Variants in APC observed in about 807,000 individuals in gnomAD.
The protein encoded by APC is APC regulator of Wnt signaling pathway, also known as adenomatous polyposis coli protein.
In APC, 72 loss-of-function variants were observed where a neutral mutation model predicts 247.0. The observed-to-expected ratio is 0.29, with a 90% confidence interval of 0.24 to 0.35. APC has a LOEUF of 0.35. APC is among the 10% of genes least tolerant of loss of function. APC has a pLI of 1.00. For synonymous variants in APC, 1,254 were observed against 1,162.5 expected (o/e 1.08, Z -1.60); for missense variants, 3,400 against 3,360.7 (o/e 1.01, Z -0.29).
At chr5:112,801,490 C>T in intron 8 of APC, 107 bp downstream of exon 8, 2 of 802,446 alleles carry the variant, frequency 2.5e-6, no homozygotes, top group South Asian at 1.6e-5. Context: ...TTTTCTTAGT[C>T]CTGAATGCAT....
At chr5:112,780,225 G>A (rs538620614) in intron 5 of APC, among the ~76,000 whole-genome samples, 1 of 152,118 alleles carries the variant, frequency 6.6e-6, no homozygotes, top group African/African-American at 2.4e-5. Context: ...TTTTACCAAA[G>A]TCTGTGTTGA....
intron 8 of APC, among the ~76,000 whole-genome samples, chr5:112,802,627 A>C (rs1760948272): frequency 6.6e-6 from 1 of 152,154 alleles, no homozygotes; most frequent in African/African-American, 2.4e-5. Context: ...TTCTAAGTAG[A>C]TTAGATTTAA....
intron 7 of APC, among the ~76,000 whole-genome samples, chr5:112,798,629 G>C (rs570679438): frequency 1.1e-3 from 171 of 152,296 alleles, no homozygotes; most frequent in Non-Finnish European, 2.1e-3. Context: ...CTATGGAAAT[G>C]AGGAAACTAG....
upstream of APC, among the ~76,000 whole-genome samples, chr5:112,736,690 C>T (rs1016136297): frequency 9.9e-5 from 15 of 152,064 alleles, no homozygotes; most frequent in South Asian, 6.2e-4. Flanking sequence ...CCGAGGTGGG[C>T]GGATCACAAG....
intron 1 of APC, among the ~76,000 whole-genome samples, chr5:112,729,346 A>G (rs1454365976): frequency 6.6e-6 from 1 of 152,222 alleles, no homozygotes; most frequent in African/African-American, 2.4e-5. Flanking sequence ...GTGAAACTCC[A>G]TCATGTGGTA....
chr5:112,743,073 A>G lies in APC; in HGVS notation c.-19+5148A>G, dbSNP rs577346635. 1.0e-3 allele frequency among the ~76,000 whole-genome samples: 155 copies of G among 152,316 alleles called. 1 individual carries two copies. The highest frequency in any genetic ancestry group is 3.1e-3 in the African/African-American group (130 of 41,568). ...GCTCTGCGTCTCCTCTAGAGATTCTATTGAAGAATCCATTTTCTTGCTTTT... is the reference window on the plus strand; with the variant it reads ...GCTCTGCGTCTCCTCTAGAGATTCTGTTGAAGAATCCATTTTCTTGCTTTT... On this transcript the variant is annotated intron_variant, in intron 1 of 15. Coordinates refer to ENST00000257430, the MANE Select transcript of APC (RefSeq NM_000038.6).
chr5:112,813,369 T>C (rs931263154), intron 8 of APC, among the ~76,000 whole-genome samples: 10 of 152,188 alleles, frequency 6.6e-5, no homozygotes, highest in African/African-American at 2.4e-4. Flanking sequence ...ACAGAAGTTC[T>C]AAGCAGCCCT....
chr5:112,834,808 A>C, intron 14 of APC, 143 bp from the exon 15 acceptor site: 1 of 727,556 alleles, frequency 1.4e-6, no homozygotes, highest in East Asian at 2.7e-5. Context: ...CATTTTTCTA[A>C]ATGGAAAGTT....
intron 7 of APC, among the ~76,000 whole-genome samples, chr5:112,800,504 GTAATT>G (rs1472171201): frequency 6.6e-6 from 1 of 152,090 alleles, no homozygotes; most frequent in African/African-American, 2.4e-5. Flanking sequence ...GAATCATTTT[GTAATT>G]TAATTATCCA....
At chr5:112,771,354 C>A (rs896617303) in intron 4 of APC, among the ~76,000 whole-genome samples, 1 of 152,022 alleles carries the variant, frequency 6.6e-6, no homozygotes, top group Non-Finnish European at 1.5e-5. Context: ...TTTTTCTGAT[C>A]TAATTTGTAC....
chr5:112,744,974 C>A (rs1753476165), intron 1 of APC, among the ~76,000 whole-genome samples: 1 of 152,078 alleles, frequency 6.6e-6, no homozygotes, highest in African/African-American at 2.4e-5. Context: ...GTAACACCTA[C>A]CTCATAGGTG....
chr5:112,735,052 T>A (rs1180825126), upstream of APC, among the ~76,000 whole-genome samples: 1 of 152,182 alleles, frequency 6.6e-6, no homozygotes, highest in African/African-American at 2.4e-5. Context: ...CATTTACATA[T>A]GAAACCATTT....
rs569936457 is a variant in APC, at chr5:112,845,968, C to G, written c.*1842C>G. The G allele has an allele frequency of 1.3e-4, 30 of 232,124 alleles. No homozygotes were observed. The highest frequency in any genetic ancestry group is 5.3e-4 in the African/African-American group (24 of 45,374). The allele number at this position is 232,124 out of a possible 1,614,324, so 14.4% of individuals were successfully genotyped here. A position where few individuals can be genotyped will look rare whatever the true frequency, so the allele number is the denominator to read the frequency against. ...AAAATCACATCAAGTAGTTAATTAT[C>G]TACCCCTTACCTGTGTTTATAACTT... On this transcript the variant is annotated 3_prime_UTR_variant, in exon 16 of 16. Transcript: ENST00000257430.
At chr5:112,790,818 G>A (rs1759497180) in intron 6 of APC, among the ~76,000 whole-genome samples, 1 of 152,146 alleles carries the variant, frequency 6.6e-6, no homozygotes, top group African/African-American at 2.4e-5. Flanking sequence ...TTATTTATCT[G>A]TTGGGGGTGA....
intron 4 of APC, among the ~76,000 whole-genome samples, chr5:112,768,723 G>T (rs868556035): frequency 1.3e-5 from 2 of 151,410 alleles, no homozygotes; most frequent in African/African-American, 4.8e-5. Context: ...CTATGGTAGC[G>T]TAGAACACAG....
intron 7 of APC, among the ~76,000 whole-genome samples, chr5:112,799,726 A>G (rs1467693443): frequency 6.6e-6 from 1 of 152,190 alleles, no homozygotes; most frequent in East Asian, 1.9e-4. Flanking sequence ...AGGCATTAAA[A>G]TTTAAATTTT....
intron 1 of APC, among the ~76,000 whole-genome samples, chr5:112,724,906 C>T (rs1321999299): frequency 6.6e-6 from 1 of 152,140 alleles, no homozygotes; most frequent in Non-Finnish European, 1.5e-5. Flanking sequence ...TACTTTGTCA[C>T]TGTTTGGGTG....
intron 2 of APC, among the ~76,000 whole-genome samples, chr5:112,757,654 G>A (rs569849622): frequency 6.6e-6 from 1 of 152,240 alleles, no homozygotes; most frequent in East Asian, 1.9e-4. Context: ...TTGTACTCCA[G>A]CCTGGGCAAA....
At position 112,841,017 on chromosome 5, in the gene APC, A is replaced by G. The variant is rs778558302; in HGVS notation, c.5423A>G (p.Asn1808Ser). The G allele has an allele frequency of 2.5e-6, 4 of 1,611,044 alleles. No individual in the cohort carries two copies. Among genetic ancestry groups the G allele is most frequent in the South Asian group, 2.2e-5 (2 of 90,970 alleles). The change falls in exon 16 of 16, where the codon AAC becomes AGC. Residue 1808 changes from asparagine (N) to serine (S), a missense_variant. Asn to Ser is a conservative substitution (Grantham distance 46). Coordinates refer to ENST00000257430, the MANE Select transcript of APC (RefSeq NM_000038.6). The surrounding 1 kb of genome is among the most constrained non-coding windows in gnomAD (Gnocchi z 4.6). ...AATGCTGAGAGAGTTTTCTCAGACA[A>G]CAAAGATTCAAAGAAACAGAATTTG... Reference protein sequence around the residue: ...NLNAERVFSDNKDSKKQNLKN... With the variant: ...NLNAERVFSDSKDSKKQNLKN...
Sources: gnomAD v4.1 joint callset for allele counts (sites outside exome capture counted in the v4.1 genomes callset) on GRCh38, gnomAD v4.1.1 for gene constraint, Gnocchi (gnomAD v3.1) non-coding constraint, MANE v1.5 for transcripts, NCBI Gene and HGNC (gene_info 2026-07-23, HGNC 2026-07-21) for gene names.